Variants in RAP1GAP2 observed in about 807,000 individuals in gnomAD.
RAP1GAP2 encodes the protein rap1 GTPase-activating protein 2.
RAP1GAP2 carries 27 observed loss-of-function variants against 95.0 expected under a neutral mutation model. The ratio of observed to expected loss-of-function variants is 0.28; its 90% CI spans 0.21 to 0.39. The LOEUF (loss-of-function observed/expected upper bound fraction) is 0.39. Ranked by LOEUF, RAP1GAP2 falls within the 10% of genes least tolerant of loss-of-function variation. RAP1GAP2 has a pLI of 1.00. For synonymous variants in RAP1GAP2, 373 were observed against 380.9 expected (o/e 0.98, Z 0.24); for missense variants, 771 against 970.0 (o/e 0.79, Z 2.72).
At chr17:3,000,190 C>T (rs1180152852) in intron 14 of RAP1GAP2, among the ~76,000 whole-genome samples, 3 of 152,212 alleles carry the variant, frequency 2.0e-5, no homozygotes, top group Non-Finnish European at 4.4e-5. Flanking sequence ...CCCAAGTGAT[C>T]TGCCTGCCTC....
chr17:2,759,752 A>T (rs528488121), intron 1 of RAP1GAP2, among the ~76,000 whole-genome samples: 1 of 151,962 alleles, frequency 6.6e-6, no homozygotes, highest in Non-Finnish European at 1.5e-5. Flanking sequence ...CGCCCGGCCA[A>T]TTCTTTGTAT....
At chr17:2,994,081 A>G (rs904744343) in intron 12 of RAP1GAP2, among the ~76,000 whole-genome samples, 10 of 152,244 alleles carry the variant, frequency 6.6e-5, no homozygotes, top group African/African-American at 2.4e-4. Context: ...GAATAGCTGA[A>G]ATACAGTATA....
At chr17:2,924,214 G>C (rs1020769063) in intron 3 of RAP1GAP2, among the ~76,000 whole-genome samples, 1 of 152,188 alleles carries the variant, frequency 6.6e-6, no homozygotes, top group Non-Finnish European at 1.5e-5. Flanking sequence ...GGAACTTTGA[G>C]AGTGCTCCTT....
chr17:2,898,367 C>T (rs1445023015), intron 2 of RAP1GAP2, among the ~76,000 whole-genome samples: 1 of 152,218 alleles, frequency 6.6e-6, no homozygotes, highest in Non-Finnish European at 1.5e-5. Flanking sequence ...GCTACCCATT[C>T]ACTCCACCTG....
chr17:2,801,594 GGTATGTGTGTGTGTGT>G (rs1366047972), intron 2 of RAP1GAP2, among the ~76,000 whole-genome samples: 7,971 of 125,988 alleles, frequency 0.063, 516 homozygotes, highest in East Asian at 0.22. Flanking sequence ...AACACTCCAG[GGTATGTGTGTGTGTGT>G]GTGTGTGTGT....
chr17:2,912,386 G>T (rs1597589972), intron 3 of RAP1GAP2, among the ~76,000 whole-genome samples: 1 of 152,174 alleles, frequency 6.6e-6, no homozygotes, highest in East Asian at 1.9e-4. Context: ...CCTGCCTCCT[G>T]TCTTCTGTTA....
intron 11 of RAP1GAP2, among the ~76,000 whole-genome samples, chr17:2,987,575 G>C (rs1240635030): frequency 6.6e-6 from 1 of 151,974 alleles, no homozygotes; most frequent in African/African-American, 2.4e-5. Context: ...TGGTCAGGCT[G>C]GTCTCGAACT....
chr17:2,935,808 G>A (rs1372604890), intron 3 of RAP1GAP2, among the ~76,000 whole-genome samples: 2 of 152,166 alleles, frequency 1.3e-5, no homozygotes, highest in African/African-American at 2.4e-5. Flanking sequence ...GCTGGGATTC[G>A]GAGGCTGGTC....
At chr17:2,918,062 T>A (rs1215589592) in intron 3 of RAP1GAP2, among the ~76,000 whole-genome samples, 2 of 152,188 alleles carry the variant, frequency 1.3e-5, no homozygotes, top group African/African-American at 4.8e-5. Flanking sequence ...CATCTCAGTT[T>A]CCTCATTTGT....
chr17:2,891,809 CTTTTCTTTTTTTTTTTT>C (rs2073727311), intron 2 of RAP1GAP2, among the ~76,000 whole-genome samples: 1 of 58,030 alleles, frequency 1.7e-5, no homozygotes, highest in Non-Finnish European at 4.0e-5. Flanking sequence ...ATTCATATTT[CTTTTCTTTTTTTTTTTT>C]TTTTTTTTTT....
Position 2,963,319 on chromosome 17 carries a change from C to T in RAP1GAP2, c.247-111C>T, listed in dbSNP as rs2044424075. 1 of 1,231,324 alleles carries T rather than the reference C, an allele frequency of 8.1e-7. No individual in the cohort carries two copies. The highest frequency in any genetic ancestry group is 1.5e-5 in the African/African-American group (1 of 67,316). 76.3% of individuals were successfully genotyped at this position (1,231,324 alleles called of 1,614,324 possible). Reference sequence around the variant, plus strand: ...TGAGCTGTTCTTCCATCGAATGTTCCTCCCTCAAAGCCCCCCCACAACATA... The same window carrying T: ...TGAGCTGTTCTTCCATCGAATGTTCTTCCCTCAAAGCCCCCCCACAACATA... On this transcript the variant is annotated intron_variant, in intron 5 of 24. Coordinates refer to ENST00000254695, the MANE Select transcript of RAP1GAP2 (RefSeq NM_015085.5). The surrounding 1 kb of genome is among the most constrained non-coding windows in gnomAD (Gnocchi z 4.8).
intron 7 of RAP1GAP2, 118 bp downstream of exon 7, chr17:2,964,186 T>A: frequency 1.5e-6 from 1 of 684,546 alleles, no homozygotes; most frequent in South Asian, 3.1e-5. Flanking sequence ...TGGGAGGCTG[T>A]GGGAGAGGAG....
chr17:2,907,109 T>A (rs1298908508), intron 3 of RAP1GAP2, among the ~76,000 whole-genome samples: 3 of 152,006 alleles, frequency 2.0e-5, no homozygotes, highest in African/African-American at 7.3e-5. Flanking sequence ...CCCCCAGTAG[T>A]TCTAACAAAG....
chr17:2,914,951 C>A (rs1440142337), intron 3 of RAP1GAP2, among the ~76,000 whole-genome samples: 2 of 151,696 alleles, frequency 1.3e-5, no homozygotes, highest in Non-Finnish European at 2.9e-5. Flanking sequence ...GCCACCACGC[C>A]CAGCTAATTG....
chr17:2,889,889 A>ATATATT (rs1408426152), intron 2 of RAP1GAP2, among the ~76,000 whole-genome samples: 843 of 57,114 alleles, frequency 0.015, 17 homozygotes, highest in South Asian at 0.021. Flanking sequence ...ATATATATAT[A>ATATATT]TTTTTTTTTT....
rs1219286650 is a variant in RAP1GAP2, at chr17:2,902,083, C to G, written c.81-3201C>G. 2.6e-5 allele frequency among the ~76,000 whole-genome samples: 4 copies of G among 152,358 alleles called. No individual in the cohort carries two copies. The East Asian group carries it at 7.7e-4, about 29-fold the overall frequency. On this transcript the variant is annotated intron_variant, in intron 2 of 24. Coordinates refer to ENST00000254695, the MANE Select transcript of RAP1GAP2 (RefSeq NM_015085.5). The surrounding 1 kb of genome is among the most constrained non-coding windows in gnomAD (Gnocchi z 4.1). The stretch of plus-strand genomic sequence containing the variant: ...CCCTCTGCAGGCTCTAGGGAAGAAT[C>G]CTTCCTCGCCTCTTCTAGCCTCTGG...
rs1310417264 is a variant in RAP1GAP2, at chr17:3,035,208, C to G, written c.*1847C>G. ...TCTGTTTAGCTTTTATGAAGAGTCA[C>G]CGTAGCAGCCCCCACGGCTGGAAAG... is the stretch of plus-strand genomic sequence containing the variant. On this transcript the variant is annotated 3_prime_UTR_variant, in exon 25 of 25. Coordinates refer to ENST00000254695, the MANE Select transcript of RAP1GAP2 (RefSeq NM_015085.5). This position sits in a 1 kb window ranked among gnomAD's most constrained non-coding sequence, Gnocchi z 4.3. 6.6e-6 allele frequency: 1 copy of G among 152,564 alleles called. No homozygotes were observed. The highest frequency in any genetic ancestry group is 1.5e-5 in the Non-Finnish European group (1 of 68,034). 9.5% of individuals were successfully genotyped at this position (152,564 alleles called of 1,614,324 possible).
At chr17:2,991,894 A>G (rs981817540) in intron 12 of RAP1GAP2, among the ~76,000 whole-genome samples, 4 of 151,926 alleles carry the variant, frequency 2.6e-5, no homozygotes, top group Non-Finnish European at 5.9e-5. Context: ...CCTCCGGAGT[A>G]GCTGGGACTA....
At chr17:2,968,219 G>T (rs1466134142) in intron 8 of RAP1GAP2, among the ~76,000 whole-genome samples, 4 of 152,114 alleles carry the variant, frequency 2.6e-5, no homozygotes, top group Non-Finnish European at 5.9e-5. Flanking sequence ...ACAGTTGCTG[G>T]TTAAGTTAGG....
Sources: allele counts gnomAD v4.1 joint callset (sites outside exome capture counted in the v4.1 genomes callset), GRCh38; gene constraint gnomAD v4.1.1; non-coding constraint Gnocchi (gnomAD v3.1); transcripts MANE v1.5; gene names NCBI Gene and HGNC (gene_info 2026-07-23, HGNC 2026-07-21).